Variants in CDK13 observed in about 807,000 individuals in gnomAD.
CDK13 encodes the protein cyclin-dependent kinase 13.
In CDK13, 40 loss-of-function variants were observed where a neutral mutation model predicts 137.6. That is an observed-to-expected ratio of 0.29 (90% CI 0.23 to 0.38). CDK13 has a LOEUF of 0.38. Among genes scored for constraint, CDK13 ranks in the 10% least tolerant of loss-of-function variants. CDK13 has a pLI of 1.00. For missense variants in CDK13, 1,704 were observed against 1,951.8 expected (o/e 0.87, Z 2.39); for synonymous variants, 869 against 760.1 (o/e 1.14, Z -2.36).
Position 40,091,001 on chromosome 7 carries a change from A to G in CDK13, c.3236-1784A>G, listed in dbSNP as rs569113037. Among the ~76,000 whole-genome samples, 21 of 151,458 alleles carry G rather than the reference A, an allele frequency of 1.4e-4. No homozygotes were observed. The South Asian group carries it at 3.8e-3, about 27-fold the overall frequency. On this transcript the variant is annotated intron_variant, in intron 12 of 13. Transcript: ENST00000181839. ...CGAGGTGGATGGATCACCTGAGGTCAGGAGTTCGAGACCAGCCTGGCCAAC... is the reference window on the plus strand; with the variant it reads ...CGAGGTGGATGGATCACCTGAGGTCGGGAGTTCGAGACCAGCCTGGCCAAC...
chr7:39,989,314 T>C (rs1784409709), intron 2 of CDK13, among the ~76,000 whole-genome samples: 2 of 151,740 alleles, frequency 1.3e-5, no homozygotes, highest in African/African-American at 4.8e-5. Flanking sequence ...CACCTAGCTG[T>C]TTTTATTTTT....
chr7:39,963,726 GT>G (rs1488027655), intron 1 of CDK13, among the ~76,000 whole-genome samples: 19 of 152,176 alleles, frequency 1.2e-4, no homozygotes, highest in Non-Finnish European at 1.9e-4. Flanking sequence ...AATGCTTCCA[GT>G]TTTTGCCCAT....
chr7:39,957,238 G>T (rs974055659), intron 1 of CDK13, among the ~76,000 whole-genome samples: 1 of 150,984 alleles, frequency 6.6e-6, no homozygotes, highest in African/African-American at 2.4e-5. Context: ...GCATGAGCCA[G>T]TGTGTCCAGC....
intron 9 of CDK13, among the ~76,000 whole-genome samples, chr7:40,064,380 A>G (rs1279024108): frequency 2.0e-5 from 3 of 152,108 alleles, no homozygotes; most frequent in Non-Finnish European, 4.4e-5. Flanking sequence ...TTCAAAATAT[A>G]TATGAAGTTT....
chr7:39,954,761 G>T (rs1370992978), intron 1 of CDK13, among the ~76,000 whole-genome samples: 1 of 152,112 alleles, frequency 6.6e-6, no homozygotes, highest in Non-Finnish European at 1.5e-5. Flanking sequence ...TATTGAAATC[G>T]TGGTATGAAG....
intron 1 of CDK13, among the ~76,000 whole-genome samples, chr7:39,965,654 G>T (rs1440847201): frequency 2.0e-5 from 3 of 152,166 alleles, no homozygotes; most frequent in Non-Finnish European, 4.4e-5. Flanking sequence ...ATTTGATCCT[G>T]TCATTATGAT....
intron 5 of CDK13, among the ~76,000 whole-genome samples, chr7:40,044,294 T>G (rs1785684138): frequency 6.6e-6 from 1 of 152,088 alleles, no homozygotes; most frequent in Non-Finnish European, 1.5e-5. Context: ...AGTGAATTGT[T>G]TCTTCATATA....
intron 7 of CDK13, among the ~76,000 whole-genome samples, chr7:40,052,160 A>G (rs889219785): frequency 7.2e-6 from 1 of 138,676 alleles, no homozygotes; most frequent in Non-Finnish European, 1.5e-5. Flanking sequence ...AGAAGAAACT[A>G]TAATGTGACA....
In CDK13 at chr7:40,094,593, A is replaced by G; in HGVS notation, c.4152A>G (p.Ser1384=). ...IQSLDNYSTA[S]SHSGGPPQPS... Reference sequence around the variant, plus strand: ...CTTTGGATAACTACAGTACTGCTTCATCTCATTCTGGTGGTCCACCTCAGC... The same window carrying G: ...CTTTGGATAACTACAGTACTGCTTCGTCTCATTCTGGTGGTCCACCTCAGC... Residue 1384 remains serine, a synonymous_variant, in exon 14 of 14, where the codon TCA becomes TCG. Transcript: ENST00000181839. 1 of 1,613,702 alleles carries G rather than the reference A, an allele frequency of 6.2e-7. No individual in the cohort carries two copies. Among genetic ancestry groups the G allele is most frequent in the Non-Finnish European group, 8.5e-7 (1 of 1,179,810 alleles).
rs1484144178 is a variant in CDK13 at position 39,988,269 on chromosome 7, A to G, written c.1871+11A>G. The G allele has an allele frequency of 6.3e-7, 1 of 1,580,522 alleles. No homozygotes were observed. Among genetic ancestry groups the G allele is most frequent in the Admixed American group, 1.9e-5 (1 of 51,620 alleles). On this transcript the variant is annotated intron_variant, in intron 2 of 13. Transcript: ENST00000181839. ...TAAAGAAGCTGATAGGTAAGTGCAA[A>G]AAGTATTTGTCAATAACTGTTCAAA...
chr7:40,076,987 C>T (rs866676758), intron 9 of CDK13, among the ~76,000 whole-genome samples: 7 of 150,284 alleles, frequency 4.7e-5, no homozygotes, highest in Non-Finnish European at 1.0e-4. Flanking sequence ...ATTACTAAAT[C>T]AGTTAGTTTT....
rs921653988 is a variant in CDK13 at position 39,951,287 on chromosome 7, C to A, written c.646C>A (p.His216Asn). ...SGRSKERHRE[H>N]RRRDGQRGGS... ...CCGCAGCAAGGAGCGCCACCGCGAG[C>A]ACCGGCGGCGGGATGGGCAGCGCGG... is the stretch of plus-strand genomic sequence containing the variant. The change falls in exon 1 of 14, where the codon CAC becomes AAC. Residue 216 changes from histidine (H) to asparagine (N), a missense_variant. Around this residue, in one of 5 missense-constraint regions of CDK13, gnomAD observed 1,051 missense variants for 931.0 expected, o/e 1.13. Coordinates refer to ENST00000181839, the MANE Select transcript of CDK13 (RefSeq NM_003718.5). 4 of 1,362,676 alleles carry A rather than the reference C, an allele frequency of 2.9e-6. No individual in the cohort carries two copies. The highest frequency in any genetic ancestry group is 3.7e-6 in the Non-Finnish European group (4 of 1,066,884). The allele number at this position is 1,362,676 out of a possible 1,614,324, so 84.4% of individuals were successfully genotyped here. A position where few individuals can be genotyped will look rare whatever the true frequency, so the allele number is the denominator to read the frequency against.
In CDK13 at chr7:40,047,836, T is replaced by C; in HGVS notation, c.2559T>C (p.Leu853=). The C allele has an allele frequency of 6.2e-7, 1 of 1,611,078 alleles. No homozygotes were observed. Among genetic ancestry groups the C allele is most frequent in the Non-Finnish European group, 8.5e-7 (1 of 1,177,666 alleles). ...TTTCCACCAGAGGGCAGATAAAACTTGCAGACTTTGGACTTGCTCGATTGT... is the reference window on the plus strand; with the variant it reads ...TTTCCACCAGAGGGCAGATAAAACTCGCAGACTTTGGACTTGCTCGATTGT... ...ILLNNRGQIK[L]ADFGLARLYS... The change falls in exon 7 of 14, where the codon CTT becomes CTC. Residue 853 remains leucine, a synonymous_variant. Transcript: ENST00000181839.
chr7:40,078,930 AATAAG>A (rs1156761535), intron 11 of CDK13, 79 bp downstream of exon 11: 4 of 475,700 alleles, frequency 8.4e-6, no homozygotes, highest in Non-Finnish European at 1.2e-5. Context: ...TAACATATAT[AATAAG>A]ATATTTCATG....
chr7:39,967,491 A>G (rs1394397742), intron 1 of CDK13, among the ~76,000 whole-genome samples: 1 of 152,118 alleles, frequency 6.6e-6, no homozygotes, highest in Non-Finnish European at 1.5e-5. Context: ...AAATCCGTTC[A>G]TCTAACAATG....
Position 40,093,151 on chromosome 7 carries a change from T to G in CDK13, c.3602T>G (p.Val1201Gly), listed in dbSNP as rs1388662669. The G allele has an allele frequency of 1.2e-6, 2 of 1,614,160 alleles. No homozygotes were observed. The highest frequency in any genetic ancestry group is 2.2e-5 in the East Asian group (1 of 44,888). ...GCTCAGCAGTCAAAGCAGAAAGATGTGCTACTAGAAGAGAGGGAAAATGGA... is the reference window on the plus strand; with the variant it reads ...GCTCAGCAGTCAAAGCAGAAAGATGGGCTACTAGAAGAGAGGGAAAATGGA... ...IKAQQSKQKD[V>G]LLEERENGSG... Residue 1201 changes from valine to glycine, a missense_variant, in exon 13 of 14, where the codon GTG becomes GGG. Physicochemically the swap from Val to Gly is moderately radical, Grantham distance 109. This residue lies in a region of CDK13 where 475 missense variants were observed against 579.3 expected (regional missense o/e 0.82). Coordinates refer to ENST00000181839, the MANE Select transcript of CDK13 (RefSeq NM_003718.5).
At chr7:40,000,614 G>A (rs1191401071) in intron 4 of CDK13, among the ~76,000 whole-genome samples, 4 of 152,110 alleles carry the variant, frequency 2.6e-5, no homozygotes, top group Non-Finnish European at 4.4e-5. Flanking sequence ...ATGACCTTAC[G>A]GTTAGAAACT....
rs748135109 is a variant in CDK13 at position 39,973,546 on chromosome 7, ATTTC to A, written c.1212-14048_1212-14045del. ...TTATCAGATACATGATTTACAAATA[ATTTC>A]TTTCATTCTATCACTTTGTTGATGG... On this transcript the variant is annotated intron_variant, in intron 1 of 13. Transcript: ENST00000181839. Among the ~76,000 whole-genome samples the A allele has an allele frequency of 3.3e-5, 5 of 152,226 alleles. No homozygotes were observed. In the East Asian group the frequency reaches 5.8e-4, roughly 18 times the overall value.
intron 7 of CDK13, among the ~76,000 whole-genome samples, chr7:40,055,572 ATTTT>A (rs1202058166): frequency 7.8e-6 from 1 of 128,626 alleles, no homozygotes; most frequent in African/African-American, 2.9e-5. Flanking sequence ...AGGATTCTGG[ATTTT>A]TTTTTTTTTT....
Sources: allele counts gnomAD v4.1 joint callset (sites outside exome capture counted in the v4.1 genomes callset), GRCh38; gene constraint gnomAD v4.1.1; regional missense constraint gnomAD v4.1.1; transcripts MANE v1.5; gene names NCBI Gene and HGNC (gene_info 2026-07-23, HGNC 2026-07-21).